DNAH12: variants seen among roughly 807,000 people sequenced by gnomAD.
DNAH12 encodes dynein axonemal heavy chain 12.
DNAH12 carries 285 observed loss-of-function variants against 371.5 expected under a neutral mutation model. The observed-to-expected ratio is 0.77, with a 90% confidence interval of 0.70 to 0.85. The LOEUF (loss-of-function observed/expected upper bound fraction) is 0.85. Ranked by LOEUF, DNAH12 falls within the 40% of genes least tolerant of loss-of-function variation. The probability of loss-of-function intolerance (pLI) is 0.00; values close to 1 mark genes in which losing one functional copy is unlikely to be tolerated. For synonymous variants in DNAH12, 1,200 were observed against 1,213.0 expected, an observed-to-expected ratio of 0.99 and a Z score of 0.22; for missense variants, 3,611 against 3,689.4, an observed-to-expected ratio of 0.98 and a Z score of 0.55.
At chr3:57,487,422 G>GA (rs964977900) in intron 12 of DNAH12, among the ~76,000 whole-genome samples, 7 of 141,798 alleles carry the variant, frequency 4.9e-5, no homozygotes, top group Non-Finnish European at 1.1e-4. Context: ...GAAAAAGAAA[G>GA]AAAAAAAAGA....
chr3:57,413,357 A>C (rs929769618), intron 39 of DNAH12, among the ~76,000 whole-genome samples: 3 of 152,196 alleles, frequency 2.0e-5, no homozygotes, highest in Non-Finnish European at 4.4e-5. Context: ...ATGATATTAT[A>C]ATGATGGACA....
At position 57,377,117 on chromosome 3, in the gene DNAH12, G is replaced by C. The variant is rs1228648458; in HGVS notation, c.8329C>G (p.His2777Asp). The C allele has an allele frequency of 6.6e-6, 1 of 152,150 alleles. No homozygotes were observed. The highest frequency in any genetic ancestry group is 2.4e-5 in the African/African-American group (1 of 41,428). The allele number at this position is 152,150 out of a possible 1,614,324, so 9.4% of individuals were successfully genotyped here. A position where few individuals can be genotyped will look rare whatever the true frequency, so the allele number is the denominator to read the frequency against. The change falls in exon 53 of 74, where the codon CAT (histidine) becomes GAT (aspartate). Residue 2777 changes from histidine to aspartate, a missense_variant. Transcript: ENST00000495027. Reference protein sequence around the residue: ...KRAELAEVEHHLENLQMTFLE... With the variant: ...KRAELAEVEHDLENLQMTFLE... ...AATGTCATTTGTAAATTTTCCAGAT[G>C]ATGTTCTACTTCTGCCAGTTCTGCT...
intron 2 of DNAH12, among the ~76,000 whole-genome samples, chr3:57,525,310 G>A (rs527964933): frequency 6.6e-6 from 1 of 152,232 alleles, no homozygotes; most frequent in East Asian, 1.9e-4. Context: ...AGATGTAGGA[G>A]CTCAATAAGC....
intron 44 of DNAH12, among the ~76,000 whole-genome samples, chr3:57,393,625 C>CAAAAAA (rs1180952196): frequency 4.0e-4 from 26 of 64,256 alleles, no homozygotes; most frequent in East Asian, 1.3e-3. Context: ...GACTCTGTCT[C>CAAAAAA]AAAAAAAAAA....
chr3:57,382,515 T>TC (rs1491174139), intron 49 of DNAH12, 122 bp from the exon 50 acceptor site: 1 of 29,756 alleles, frequency 3.4e-5, no homozygotes, highest in Non-Finnish European at 1.4e-4. Context: ...GAAATCAAAG[T>TC]TTTTTTTTTT....
rs773690836 is a variant in DNAH12, at chr3:57,296,407, G to A, written c.11561C>T (p.Ser3854Leu). Residue 3854 changes from serine to leucine, a missense_variant, in exon 72 of 74, where the codon TCA becomes TTA. Transcript: ENST00000495027. The stretch of plus-strand genomic sequence containing the variant: ...GTGGATATAAACACCATCTTCTGGT[G>A]ATGTGTCAGATGTATCAGATGGGAT... Reference protein sequence around the residue: ...EVIPSDTSDTSPEDGVYIHGL... With the variant: ...EVIPSDTSDTLPEDGVYIHGL... 1 of 1,550,860 alleles carries A rather than the reference G, an allele frequency of 6.4e-7. No homozygotes were observed. Among genetic ancestry groups the A allele is most frequent in the South Asian group, 1.2e-5 (1 of 83,926 alleles).
chr3:57,293,822 T>C lies in DNAH12; in HGVS notation c.11842A>G (p.Ile3948Val). ...CAAAGCAAAGCAACCCCGCGCTTGA[T>C]CCAGTGCCGAGTAGGTTGGTCTGTT... ...LKTDQPTRHWIKRGVALLCQL... is the reference protein window; with the variant it reads ...LKTDQPTRHWVKRGVALLCQL... Residue 3948 changes from isoleucine to valine, a missense_variant, in exon 74 of 74, where the codon ATC becomes GTC. Ile to Val is a conservative substitution (Grantham distance 29). Coordinates refer to ENST00000495027, the MANE Select transcript of DNAH12 (RefSeq NM_001366028.2). The C allele has an allele frequency of 6.4e-7, 1 of 1,551,278 alleles. No homozygotes were observed. The highest frequency in any genetic ancestry group is 8.7e-7 in the Non-Finnish European group (1 of 1,146,830).
intron 69 of DNAH12, among the ~76,000 whole-genome samples, chr3:57,306,982 G>A (rs947425634): frequency 3.9e-5 from 6 of 152,008 alleles, no homozygotes; most frequent in African/African-American, 9.7e-5. Context: ...GCCTCTCTTC[G>A]CTTTCACTTG....
At position 57,334,558 on chromosome 3, in the gene DNAH12, T is replaced by C; in HGVS notation, c.9885A>G (p.Lys3295=). 1 of 1,550,862 alleles carries C rather than the reference T, an allele frequency of 6.4e-7. No individual in the cohort carries two copies. The highest frequency in any genetic ancestry group is 8.7e-7 in the Non-Finnish European group (1 of 1,146,872). Residue 3295 remains lysine (K), a synonymous_variant, in exon 62 of 74, where the codon AAA becomes AAG. Transcript: ENST00000495027. ...IYEWREIYDS[K]EPHNAKFPAP... is the part of the protein sequence containing the mutation. ...CTGGAAATTTAGCATTATGTGGCTC[T>C]TTACTGTCATAGATTTCTCGCCATT...
chr3:57,454,805 C>T lies in DNAH12; in HGVS notation c.3426G>A (p.Glu1142=), dbSNP rs1244530958. 1.3e-6 allele frequency: 2 copies of T among 1,551,382 alleles called. No individual in the cohort carries two copies. Among genetic ancestry groups the T allele is most frequent in the South Asian group, 2.4e-5 (2 of 84,014 alleles). The part of the protein sequence containing the change: ...LCISQMFWTS[E]TQEVISGGTE... Reference sequence around the variant, plus strand: ...TCCCGCCACTTATCACTTCCTGTGTCTCAGATGTCCAGAACATTTGAGAAA... The same window carrying T: ...TCCCGCCACTTATCACTTCCTGTGTTTCAGATGTCCAGAACATTTGAGAAA... The change falls in exon 23 of 74, where the codon GAG becomes GAA. Residue 1142 remains glutamate, a synonymous_variant. Transcript: ENST00000495027.
intron 2 of DNAH12, among the ~76,000 whole-genome samples, chr3:57,531,767 C>CCAAAAA (rs770521065): frequency 8.0e-5 from 4 of 50,268 alleles, no homozygotes; most frequent in African/African-American, 2.8e-4. Context: ...CACTCCATCT[C>CCAAAAA]AAAAAAAAAA....
chr3:57,393,625 C>CAAAAAAAAAAAAAAAAAAAAAAAAA (rs1180952196), intron 44 of DNAH12, among the ~76,000 whole-genome samples: 5 of 64,274 alleles, frequency 7.8e-5, no homozygotes, highest in African/African-American at 3.5e-4. Flanking sequence ...GACTCTGTCT[C>CAAAAAAAAAAAAAAAAAAAAAAAAA]AAAAAAAAAA....
At chr3:57,348,937 A>G (rs1018778936) in intron 60 of DNAH12, among the ~76,000 whole-genome samples, 2 of 152,222 alleles carry the variant, frequency 1.3e-5, no homozygotes, top group African/African-American at 4.8e-5. Flanking sequence ...CTTGTGTAAA[A>G]GAACAACAAA....
intron 55 of DNAH12, among the ~76,000 whole-genome samples, chr3:57,374,337 CTA>C (rs1441940559): frequency 6.6e-6 from 1 of 152,134 alleles, no homozygotes; most frequent in Non-Finnish European, 1.5e-5. Flanking sequence ...TCCATAGTAT[CTA>C]TCACAGCATA....
At chr3:57,507,512 T>C (rs926121928) in intron 8 of DNAH12, 131 bp downstream of exon 8, 36 of 695,314 alleles carry the variant, frequency 5.2e-5, no homozygotes, top group Admixed American at 7.9e-5. Context: ...CTAAAATTAT[T>C]AAAATAAAAT....
chr3:57,361,777 C>T (rs973013347), intron 58 of DNAH12, among the ~76,000 whole-genome samples: 1 of 151,944 alleles, frequency 6.6e-6, no homozygotes, highest in Non-Finnish European at 1.5e-5. Context: ...CTTTACCTAT[C>T]CAATAATAAT....
At chr3:57,551,155 C>T in the DNAH12 span, among the ~76,000 whole-genome samples, 1 of 151,918 alleles carries the variant, frequency 6.6e-6, no homozygotes, top group African/African-American at 2.4e-5. Context: ...CGTGAGCCAC[C>T]GTGCCCAGCC....
At chr3:57,534,513 T>C (rs1220240231) in intron 2 of DNAH12, among the ~76,000 whole-genome samples, 2 of 147,372 alleles carry the variant, frequency 1.4e-5, no homozygotes, top group Non-Finnish European at 3.0e-5. Context: ...GCTAGCTTTT[T>C]TTTTTTTTTT....
At chr3:57,316,485 A>G (rs1559547589) in intron 65 of DNAH12, among the ~76,000 whole-genome samples, 2 of 152,114 alleles carry the variant, frequency 1.3e-5, no homozygotes, top group Non-Finnish European at 2.9e-5. Flanking sequence ...AACTCAGCCA[A>G]GCAGAGTTAA....
Sources: gnomAD v4.1 joint callset for allele counts (sites outside exome capture counted in the v4.1 genomes callset) on GRCh38, gnomAD v4.1.1 for gene constraint, MANE v1.5 for transcripts, NCBI Gene and HGNC (gene_info 2026-07-23, HGNC 2026-07-21) for gene names.